Variants in WDR27 observed in about 807,000 individuals in gnomAD.
WDR27 encodes WD repeat domain 27.
In WDR27, 100 loss-of-function variants were observed where a neutral mutation model predicts 114.4. That is an observed-to-expected ratio of 0.87 (90% CI 0.74 to 1.03). The LOEUF (loss-of-function observed/expected upper bound fraction) is 1.03. Among genes scored for constraint, WDR27 ranks in the 50% least tolerant of loss-of-function variants. The probability of loss-of-function intolerance (pLI) is 0.00; values close to 1 mark genes in which losing one functional copy is unlikely to be tolerated. For synonymous variants in WDR27, 449 were observed against 423.1 expected (o/e 1.06, Z -0.75); for missense variants, 1,129 against 1,092.9 (o/e 1.03, Z -0.47).
At chr6:169,494,364 A>C (rs1333623772) in intron 25 of WDR27, among the ~76,000 whole-genome samples, 1 of 152,078 alleles carries the variant, frequency 6.6e-6, no homozygotes, top group Non-Finnish European at 1.5e-5. Flanking sequence ...TTTGTACTTA[A>C]AGTGAAACAT....
At chr6:169,461,209 A>G (rs528774134) in intron 25 of WDR27, among the ~76,000 whole-genome samples, 28 of 152,282 alleles carry the variant, frequency 1.8e-4, no homozygotes, top group African/African-American at 5.8e-4. Context: ...CTAATAATGG[A>G]TAGGACAACC....
Position 169,662,394 on chromosome 6 carries a change from A to G in WDR27, c.935T>C (p.Leu312Pro), listed in dbSNP as rs1220112093. 1.2e-6 allele frequency: 2 copies of G among 1,614,044 alleles called. No homozygotes were observed. Among genetic ancestry groups the G allele is most frequent in the African/African-American group, 1.3e-5 (1 of 75,070 alleles). Residue 312 changes from leucine (L) to proline (P), a missense_variant, in exon 9 of 26, where the codon CTG (leucine) becomes CCG (proline). Transcript: ENST00000448612. ...TACTTCAACCTGCTCTCCTTTTCCC[A>G]GAGCACTTGTAGAGGGAAGCTGGCT... ...EESQLPSTSA[L>P]GKGEQVEVTF... is the part of the protein sequence containing the mutation.
rs768708950 is a variant in WDR27 at position 169,655,465 on chromosome 6, G to A, written c.1402+2811C>T. On this transcript the variant is annotated intron_variant, in intron 13 of 25. Transcript: ENST00000448612. The stretch of plus-strand genomic sequence containing the variant: ...TGAATAAATCGTGGGTACATAAACC[G>A]CAGTATATCCAGACAACAGAACGCT... 5.4e-4 allele frequency among the ~76,000 whole-genome samples: 82 copies of A among 152,230 alleles called. 5 individuals are homozygous for A. The highest frequency in any genetic ancestry group is 1.5e-4 in the Non-Finnish European group (10 of 68,040).
Position 169,476,821 on chromosome 6 carries a change from A to G in WDR27, c.2646-19187T>C, listed in dbSNP as rs564905977. 7.9e-5 allele frequency among the ~76,000 whole-genome samples: 12 copies of G among 152,332 alleles called. 1 individual carries two copies. The South Asian group carries it at 2.5e-3, about 32-fold the overall frequency. ...GTGACCTTGTTGAATTATGTTAGTT[A>G]TAATAGCATAATAATTCTGTTGGTC... is the stretch of plus-strand genomic sequence containing the variant. On this transcript the variant is annotated intron_variant, in intron 25 of 25. Transcript: ENST00000448612.
intron 25 of WDR27, among the ~76,000 whole-genome samples, chr6:169,542,630 C>A (rs1796968818): frequency 6.6e-6 from 1 of 152,008 alleles, no homozygotes; most frequent in East Asian, 1.9e-4. Context: ...AGATAATAGT[C>A]TTGTATTAAT....
Position 169,584,065 on chromosome 6 carries a change from C to T in WDR27, c.2425-1131G>A, listed in dbSNP as rs540909052. Among the ~76,000 whole-genome samples the T allele has an allele frequency of 7.4e-3, 254 of 34,190 alleles. 3 individuals are homozygous for T. Among genetic ancestry groups the T allele is most frequent in the South Asian group, 0.044 (47 of 1,066 alleles). The allele number at this position is 34,190 out of a possible 152,430, so 22.4% of individuals were successfully genotyped here. On this transcript the variant is annotated intron_variant, in intron 23 of 25. Coordinates refer to ENST00000448612, the MANE Select transcript of WDR27 (RefSeq NM_182552.5). The stretch of plus-strand genomic sequence containing the variant: ...TATCCTTTGACCCACATCTCCCCCT[C>T]CCCGCCTATGTCTACCCTGTTAACC...
Position 169,638,557 on chromosome 6 carries a change from T to G in WDR27, c.1851A>C (p.Ala617=). ...CCATTACCAGAAGCAGTGCGAGCTC[T>G]GCCCCACGAGCCGACCACATTCGCA... ...GTLRMWSARG[A]ELALLLGKDM... The change falls in exon 18 of 26, where the codon GCA becomes GCC. Residue 617 remains alanine (A), a synonymous_variant. Transcript: ENST00000448612. 6.2e-7 allele frequency: 1 copy of G among 1,611,124 alleles called. No homozygotes were observed. Among genetic ancestry groups the G allele is most frequent in the Non-Finnish European group, 8.5e-7 (1 of 1,179,040 alleles).
chr6:169,652,356 C>G (rs991998851), intron 13 of WDR27, among the ~76,000 whole-genome samples: 1 of 152,256 alleles, frequency 6.6e-6, no homozygotes, highest in African/African-American at 2.4e-5. Flanking sequence ...TCAAGTAATT[C>G]TCCTGCCTCA....
intron 6 of WDR27, chr6:169,666,891 C>T (rs1827972054): frequency 1.1e-5 from 11 of 985,492 alleles, no homozygotes; most frequent in Non-Finnish European, 1.3e-5. Flanking sequence ...ACGTGCTTTA[C>T]TCCTCCAAAA....
At chr6:169,605,264 A>G (rs1808902825) in intron 22 of WDR27, among the ~76,000 whole-genome samples, 2 of 152,040 alleles carry the variant, frequency 1.3e-5, no homozygotes, top group Non-Finnish European at 2.9e-5. Flanking sequence ...TAAATTCAGT[A>G]AAATTTCAGG....
At chr6:169,489,045 C>G (rs1789363257) in intron 25 of WDR27, among the ~76,000 whole-genome samples, 1 of 147,458 alleles carries the variant, frequency 6.8e-6, no homozygotes, top group Non-Finnish European at 1.5e-5. Context: ...CACATGATTT[C>G]AGAGATGAGG....
At chr6:169,547,434 T>G (rs369442282) in intron 25 of WDR27, among the ~76,000 whole-genome samples, 20 of 152,310 alleles carry the variant, frequency 1.3e-4, no homozygotes, top group African/African-American at 4.3e-4. Context: ...CAATAAAATA[T>G]TAATAAGTTG....
chr6:169,653,637 G>C (rs1823206935), intron 13 of WDR27, among the ~76,000 whole-genome samples: 1 of 152,278 alleles, frequency 6.6e-6, no homozygotes, highest in African/African-American at 2.4e-5. Flanking sequence ...CATTATCTGG[G>C]TAACACACTG....
the WDR27 span, among the ~76,000 whole-genome samples, chr6:169,432,280 A>G: frequency 6.6e-6 from 1 of 152,208 alleles, no homozygotes; most frequent in Non-Finnish European, 1.5e-5. Flanking sequence ...TATCTTTTAA[A>G]TCTCCTCACC....
intron 25 of WDR27, among the ~76,000 whole-genome samples, chr6:169,520,615 T>C (rs1794256319): frequency 6.6e-6 from 1 of 151,644 alleles, no homozygotes; most frequent in Admixed American, 6.6e-5. Flanking sequence ...GAATGCAAAG[T>C]AGCAGTTTTA....
rs562979270 is a variant in WDR27, at chr6:169,636,654, G to T, written c.1870-150C>A. 14 of 682,604 alleles carry T rather than the reference G, an allele frequency of 2.1e-5. No homozygotes were observed. The South Asian group carries it at 4.2e-4, about 21-fold the overall frequency. 42.3% of individuals were successfully genotyped at this position (682,604 alleles called of 1,614,324 possible). ...TTGTTAGACCCAATCTACAATTTTT[G>T]TTTCTGCCTACTACTTCTGAAAGGT... is the stretch of plus-strand genomic sequence containing the variant. On this transcript the variant is annotated intron_variant, in intron 18 of 25. Coordinates refer to ENST00000448612, the MANE Select transcript of WDR27 (RefSeq NM_182552.5).
At chr6:169,640,851 AGGAG>A (rs1370699589) in intron 17 of WDR27, among the ~76,000 whole-genome samples, 2 of 152,238 alleles carry the variant, frequency 1.3e-5, no homozygotes, top group Admixed American at 6.5e-5. Flanking sequence ...GAGGTCGCAC[AGGAG>A]GGAGGGTGAA....
At chr6:169,692,110 CAGG>C (rs1784654278) in intron 1 of WDR27, among the ~76,000 whole-genome samples, 1 of 152,206 alleles carries the variant, frequency 6.6e-6, no homozygotes, top group Non-Finnish European at 1.5e-5. Context: ...ATCAATATCA[CAGG>C]AGAAGGATGT....
chr6:169,557,854 T>C (rs1054811112), intron 25 of WDR27, among the ~76,000 whole-genome samples: 1 of 152,176 alleles, frequency 6.6e-6, no homozygotes, highest in Non-Finnish European at 1.5e-5. Context: ...AGATTATCAC[T>C]AAAATAAGAG....
Sources: allele counts gnomAD v4.1 joint callset (sites outside exome capture counted in the v4.1 genomes callset), GRCh38; gene constraint gnomAD v4.1.1; transcripts MANE v1.5; gene names NCBI Gene and HGNC (gene_info 2026-07-23, HGNC 2026-07-21).